Variants in MYO3B observed in about 807,000 individuals in gnomAD.
MYO3B encodes myosin IIIB, also known as myosin-IIIb.
A neutral mutation model predicts 174.6 loss-of-function variants in MYO3B; 156 were observed. The ratio of observed to expected loss-of-function variants is 0.89; its 90% CI spans 0.78 to 1.02. The LOEUF is 1.02. Among genes scored for constraint, MYO3B ranks in the 50% least tolerant of loss-of-function variants. The pLI is 0.00. For missense variants in MYO3B, 1,632 were observed against 1,639.4 expected (o/e 1.00, Z 0.08); for synonymous variants, 563 against 569.1 (o/e 0.99, Z 0.15).
chr2:170,393,298 G>A (rs924603356), intron 16 of MYO3B, among the ~76,000 whole-genome samples: 1 of 151,722 alleles, frequency 6.6e-6, no homozygotes, highest in African/African-American at 2.4e-5. Context: ...TGGCCAAGCT[G>A]GTCTTGAACT....
intron 32 of MYO3B, among the ~76,000 whole-genome samples, chr2:170,564,275 C>A (rs1331169074): frequency 6.6e-6 from 1 of 152,124 alleles, no homozygotes; most frequent in Non-Finnish European, 1.5e-5. Context: ...GAGTTCAAGA[C>A]CAGCCTGGCC....
At chr2:170,441,732 A>G (rs2094802418) in intron 22 of MYO3B, among the ~76,000 whole-genome samples, 1 of 152,170 alleles carries the variant, frequency 6.6e-6, no homozygotes, top group Non-Finnish European at 1.5e-5. Flanking sequence ...GTTGTCATGG[A>G]GATGGTGGGA....
chr2:170,289,514 A>C (rs2093581339), intron 7 of MYO3B, among the ~76,000 whole-genome samples: 1 of 151,940 alleles, frequency 6.6e-6, no homozygotes, highest in South Asian at 2.1e-4. Context: ...GTTCATAACC[A>C]TCTCTGATGA....
chr2:170,304,030 G>A (rs1332294427), intron 7 of MYO3B, among the ~76,000 whole-genome samples: 1 of 152,044 alleles, frequency 6.6e-6, no homozygotes, highest in Non-Finnish European at 1.5e-5. Flanking sequence ...CCTTATAGAT[G>A]GGCATTTTGG....
chr2:170,619,557 G>T (rs950891984), intron 32 of MYO3B, among the ~76,000 whole-genome samples: 2 of 151,846 alleles, frequency 1.3e-5, no homozygotes, highest in Admixed American at 6.6e-5. Flanking sequence ...GAGGGTTGGG[G>T]ATCCACTTCC....
intron 7 of MYO3B, among the ~76,000 whole-genome samples, chr2:170,312,374 G>T (rs1370398456): frequency 2.6e-5 from 4 of 152,264 alleles, no homozygotes; most frequent in Non-Finnish European, 5.9e-5. Flanking sequence ...AGCACTGAGT[G>T]TGAGAATGGC....
chr2:170,297,669 T>G (rs2093637549), intron 7 of MYO3B, among the ~76,000 whole-genome samples: 1 of 152,176 alleles, frequency 6.6e-6, no homozygotes, highest in South Asian at 2.1e-4. Flanking sequence ...AAAGAGCACT[T>G]TTCTTTTCAG....
Position 170,294,535 on chromosome 2 carries a change from A to G in MYO3B, c.750-40850A>G, listed in dbSNP as rs976386249. 1.9e-4 allele frequency among the ~76,000 whole-genome samples: 29 copies of G among 152,064 alleles called. 1 individual carries two copies. The highest frequency in any genetic ancestry group is 6.8e-4 in the African/African-American group (28 of 41,442). The stretch of plus-strand genomic sequence containing the variant: ...CTGTGATTTGTGTGAATTCAATTTT[A>G]TATTATTTATTAAAAATTTGTGATC... On this transcript the variant is annotated intron_variant, in intron 7 of 34. Coordinates refer to ENST00000408978, the MANE Select transcript of MYO3B (RefSeq NM_138995.5).
chr2:170,402,472 A>T (rs1263615590), intron 18 of MYO3B, among the ~76,000 whole-genome samples: 1 of 152,144 alleles, frequency 6.6e-6, no homozygotes, highest in Non-Finnish European at 1.5e-5. Flanking sequence ...GGAGGAATTC[A>T]CCACATCAAA....
At chr2:170,476,080 C>T (rs892604826) in intron 25 of MYO3B, among the ~76,000 whole-genome samples, 1 of 151,034 alleles carries the variant, frequency 6.6e-6, no homozygotes, top group African/African-American at 2.4e-5. Flanking sequence ...CTGTCCCCCC[C>T]CACAGGACAT....
chr2:170,288,547 T>C (rs1469465561), intron 7 of MYO3B, among the ~76,000 whole-genome samples: 1 of 152,100 alleles, frequency 6.6e-6, no homozygotes, highest in Non-Finnish European at 1.5e-5. Flanking sequence ...TAAATGCTGC[T>C]GATTTTTGTG....
chr2:170,369,924 T>C (rs759677048), intron 9 of MYO3B, among the ~76,000 whole-genome samples: 5 of 152,204 alleles, frequency 3.3e-5, no homozygotes, highest in South Asian at 2.1e-4. Context: ...GTAACATTTT[T>C]CAGGTATTTC....
intron 25 of MYO3B, among the ~76,000 whole-genome samples, chr2:170,470,776 G>A (rs1358219147): frequency 6.6e-6 from 1 of 152,150 alleles, no homozygotes; most frequent in Non-Finnish European, 1.5e-5. Context: ...TCTAGTTGAT[G>A]TGAAGTGGCA....
rs975335959 is a variant in MYO3B, at chr2:170,654,888, T to C, written c.*1767T>C. On this transcript the variant is annotated 3_prime_UTR_variant, in exon 35 of 35. Transcript: ENST00000408978. ...AACTTCACCCAAAAGGTAATGTTTA[T>C]AAGTAGAGCAGAAAAAATGCAGATA... 2 of 152,034 alleles carry C rather than the reference T, an allele frequency of 1.3e-5. No homozygotes were observed. Among genetic ancestry groups the C allele is most frequent in the East Asian group, 3.9e-4 (2 of 5,182 alleles). The allele number at this position is 152,034 out of a possible 1,614,324, so 9.4% of individuals were successfully genotyped here.
chr2:170,575,918 A>C (rs951852751), intron 32 of MYO3B, among the ~76,000 whole-genome samples: 1 of 152,184 alleles, frequency 6.6e-6, no homozygotes, highest in African/African-American at 2.4e-5. Context: ...CTCGTAGCTG[A>C]AAGGATTCTT....
intron 32 of MYO3B, among the ~76,000 whole-genome samples, chr2:170,557,332 G>T (rs1473814556): frequency 6.6e-6 from 1 of 151,686 alleles, no homozygotes; most frequent in East Asian, 1.9e-4. Flanking sequence ...GTAGAGATGG[G>T]GTTTCACTGT....
At chr2:170,604,874 A>T (rs757699583) in intron 32 of MYO3B, among the ~76,000 whole-genome samples, 1 of 152,220 alleles carries the variant, frequency 6.6e-6, no homozygotes, top group South Asian at 2.1e-4. Context: ...GTAGAAAACA[A>T]TCTGGTAGCT....
chr2:170,589,023 C>A (rs1254782432), intron 32 of MYO3B, among the ~76,000 whole-genome samples: 2 of 151,962 alleles, frequency 1.3e-5, no homozygotes, highest in African/African-American at 4.8e-5. Flanking sequence ...AGAAGTGATT[C>A]CTGAGGAATT....
chr2:170,272,481 C>A (rs947448218), intron 7 of MYO3B, among the ~76,000 whole-genome samples: 3 of 152,196 alleles, frequency 2.0e-5, no homozygotes, highest in Non-Finnish European at 4.4e-5. Context: ...ATACTCAACA[C>A]TCTAAAGGGA....
Sources: allele counts gnomAD v4.1 joint callset (sites outside exome capture counted in the v4.1 genomes callset), GRCh38; gene constraint gnomAD v4.1.1; transcripts MANE v1.5; gene names NCBI Gene and HGNC (gene_info 2026-07-23, HGNC 2026-07-21).